PTPRG: variants seen among roughly 807,000 people sequenced by gnomAD.
PTPRG encodes receptor-type tyrosine-protein phosphatase gamma.
PTPRG carries 102 observed loss-of-function variants against 165.3 expected under a neutral mutation model. That is an observed-to-expected ratio of 0.62 (90% CI 0.53 to 0.73). The LOEUF is 0.73. Among genes scored for constraint, PTPRG ranks in the 30% least tolerant of loss-of-function variants. The probability of loss-of-function intolerance (pLI) is 0.00; values close to 1 mark genes in which losing one functional copy is unlikely to be tolerated. For synonymous variants in PTPRG, 675 were observed against 669.5 expected (o/e 1.01, Z -0.13); for missense variants, 1,866 against 1,861.4 (o/e 1.00, Z -0.05).
At chr3:61,754,880 T>G (rs1163200579) in intron 2 of PTPRG, among the ~76,000 whole-genome samples, 2 of 152,222 alleles carry the variant, frequency 1.3e-5, no homozygotes, top group Non-Finnish European at 2.9e-5. Context: ...TCAAATTTAA[T>G]GTTAATATTG....
intron 2 of PTPRG, among the ~76,000 whole-genome samples, chr3:61,840,236 G>C (rs981488479): frequency 5.3e-5 from 8 of 151,976 alleles, no homozygotes; most frequent in Non-Finnish European, 8.8e-5. Flanking sequence ...GTTGCTTTTA[G>C]TTTTTTGACT....
intron 2 of PTPRG, among the ~76,000 whole-genome samples, chr3:61,754,479 A>G (rs969938475): frequency 1.3e-5 from 2 of 152,206 alleles, no homozygotes; most frequent in Non-Finnish European, 2.9e-5. Context: ...GGCTAAGTGT[A>G]GAATCCTTGA....
rs1269888925 is a variant in PTPRG at position 62,237,764 on chromosome 3, A to T, written c.2376-6043A>T. ...CACATTGCTACCATCAGGGCTTCAG[A>T]CACTGTACAGATCTGGACCACAGGT... On this transcript the variant is annotated intron_variant, in intron 14 of 29. Transcript: ENST00000474889. This position sits in a 1 kb window ranked among gnomAD's most constrained non-coding sequence, Gnocchi z 4.5. Among the ~76,000 whole-genome samples the T allele has an allele frequency of 1.3e-5, 2 of 152,238 alleles. No homozygotes were observed. Among genetic ancestry groups the T allele is most frequent in the African/African-American group, 2.4e-5 (1 of 41,456 alleles).
At chr3:62,155,479 A>G (rs558757608) in intron 6 of PTPRG, among the ~76,000 whole-genome samples, 13 of 152,344 alleles carry the variant, frequency 8.5e-5, no homozygotes, top group Non-Finnish European at 1.5e-4. Context: ...GGGGATAATC[A>G]TAGAACTAAC....
intron 5 of PTPRG, among the ~76,000 whole-genome samples, chr3:62,101,802 T>G (rs1322032555): frequency 1.3e-5 from 2 of 152,216 alleles, no homozygotes; most frequent in Non-Finnish European, 2.9e-5. Context: ...ATGAACTATT[T>G]AAAAACTCTT....
chr3:62,195,040 C>T lies in PTPRG; in HGVS notation c.1219-22C>T. On this transcript the variant is annotated intron_variant, in intron 9 of 29. Coordinates refer to ENST00000474889, the MANE Select transcript of PTPRG (RefSeq NM_002841.4). The surrounding 1 kb of genome is among the most constrained non-coding windows in gnomAD (Gnocchi z 4.4). ...CTTGGCCTTCAAAACTAACTCACTG[C>T]TTTTTCCTTCTTTACTTACAGAAAG... 1 of 1,610,144 alleles carries T rather than the reference C, an allele frequency of 6.2e-7. No homozygotes were observed. Among genetic ancestry groups the T allele is most frequent in the Non-Finnish European group, 8.5e-7 (1 of 1,176,392 alleles).
intron 1 of PTPRG, among the ~76,000 whole-genome samples, chr3:61,713,821 C>A (rs1280895161): frequency 2.6e-5 from 4 of 152,144 alleles, no homozygotes; most frequent in African/African-American, 9.7e-5. Context: ...AGATGGCCTG[C>A]ACAAGTTATG....
chr3:61,885,688 T>TCCCCTCCCCTCCCCTCCC (rs1559669132), intron 2 of PTPRG, among the ~76,000 whole-genome samples: 5 of 107,498 alleles, frequency 4.7e-5, no homozygotes, highest in African/African-American at 1.8e-4. Flanking sequence ...TCTCCTCTCC[T>TCCCCTCCCCTCCCCTCCC]CTCCTCTCCT....
intron 1 of PTPRG, among the ~76,000 whole-genome samples, chr3:61,746,757 G>C (rs1475500087): frequency 6.6e-6 from 1 of 152,114 alleles, no homozygotes; most frequent in Non-Finnish European, 1.5e-5. Context: ...TGGTGGTGGC[G>C]GGTTAGCTGT....
intron 15 of PTPRG, among the ~76,000 whole-genome samples, chr3:62,249,160 A>G (rs1049293020): frequency 2.0e-5 from 3 of 152,202 alleles, no homozygotes; most frequent in Non-Finnish European, 4.4e-5. Flanking sequence ...GATTTAGACA[A>G]AAATCTATTT....
At chr3:61,778,767 T>C (rs746669437) in intron 2 of PTPRG, among the ~76,000 whole-genome samples, 25 of 152,122 alleles carry the variant, frequency 1.6e-4, no homozygotes, top group Admixed American at 7.9e-4. Context: ...TTTTAGGCAA[T>C]GGTGAGGGGA....
intron 14 of PTPRG, among the ~76,000 whole-genome samples, chr3:62,234,945 C>T (rs896510025): frequency 6.6e-6 from 1 of 151,522 alleles, no homozygotes; most frequent in Non-Finnish European, 1.5e-5. Context: ...TTCCCCCCCC[C>T]GAGATGGTCT....
At chr3:61,600,638 C>G (rs776841008) in intron 1 of PTPRG, among the ~76,000 whole-genome samples, 2 of 152,142 alleles carry the variant, frequency 1.3e-5, no homozygotes, top group East Asian at 3.9e-4. Context: ...CTCTCAGGCT[C>G]AAGCGATCCT....
chr3:61,791,627 A>G (rs2034875736), intron 2 of PTPRG, among the ~76,000 whole-genome samples: 1 of 152,154 alleles, frequency 6.6e-6, no homozygotes, highest in African/African-American at 2.4e-5. Flanking sequence ...AGCTGGAATT[A>G]CAGACATGTG....
In PTPRG at chr3:61,748,879, G is replaced by A. The variant is rs201950893; in HGVS notation, c.87G>A (p.Ala29=). 53 of 1,612,996 alleles carry A rather than the reference G, an allele frequency of 3.3e-5. 1 individual carries two copies. Among genetic ancestry groups the A allele is most frequent in the South Asian group, 1.5e-4 (14 of 91,016 alleles). ...SVLHYVVCFP[A]LTEGYVGALH... ...ATTGTGGGTTTTCCTCTCTTCCAGC[G>A]TTGACAGAAGGCTACGTTGGGGCCC... The change falls in exon 2 of 30, where the codon GCG becomes GCA. Residue 29 remains alanine, a splice_region_variant and synonymous_variant. Coordinates refer to ENST00000474889, the MANE Select transcript of PTPRG (RefSeq NM_002841.4).
chr3:61,804,171 G>A (rs1005310246), intron 2 of PTPRG, among the ~76,000 whole-genome samples: 2 of 152,206 alleles, frequency 1.3e-5, no homozygotes, highest in African/African-American at 2.4e-5. Context: ...TCACACAAAA[G>A]CAGGGGAGCA....
At chr3:62,048,216 G>A (rs115112310) in intron 4 of PTPRG, among the ~76,000 whole-genome samples, 1,859 of 152,254 alleles carry the variant, frequency 0.012, 23 homozygotes, top group Non-Finnish European at 0.018. Flanking sequence ...AGGAGGTAAT[G>A]AATGTTGCTC....
intron 2 of PTPRG, among the ~76,000 whole-genome samples, chr3:61,849,696 A>G (rs1459772072): frequency 2.0e-5 from 3 of 152,180 alleles, no homozygotes; most frequent in Non-Finnish European, 2.9e-5. Flanking sequence ...AGGAGTAGCA[A>G]CAACTACACA....
intron 3 of PTPRG, 74 bp downstream of exon 3, chr3:61,989,878 C>A: frequency 6.6e-7 from 1 of 1,515,218 alleles, no homozygotes; most frequent in Non-Finnish European, 9.0e-7. Context: ...TTTTCCTTAA[C>A]CATGACTTGC....
Sources: gnomAD v4.1 joint callset for allele counts (sites outside exome capture counted in the v4.1 genomes callset) on GRCh38, gnomAD v4.1.1 for gene constraint, Gnocchi (gnomAD v3.1) non-coding constraint, MANE v1.5 for transcripts, NCBI Gene and HGNC (gene_info 2026-07-23, HGNC 2026-07-21) for gene names.